The following MSRA variants were observed in gnomAD, a reference collection of about 807,000 sequenced individuals.
The protein encoded by MSRA is mitochondrial peptide methionine sulfoxide reductase.
MSRA carries 54 observed loss-of-function variants against 31.3 expected under a neutral mutation model. The observed-to-expected ratio is 1.73, with a 90% CI of 1.39 to 2.17. The LOEUF (loss-of-function observed/expected upper bound fraction) is 2.17. MSRA is among the 30% of genes most tolerant of loss of function. The pLI, the probability that MSRA is intolerant of heterozygous loss-of-function variation, is 0.00. For missense variants in MSRA, 507 were observed against 300.9 expected (o/e 1.69, Z -5.07); for synonymous variants, 169 against 116.5 (o/e 1.45, Z -2.90).
intron 5 of MSRA, among the ~76,000 whole-genome samples, chr8:10,374,112 T>C (rs1805626478): frequency 6.6e-6 from 1 of 152,202 alleles, no homozygotes; most frequent in African/African-American, 2.4e-5. Context: ...TCAAGCCGCC[T>C]TATGTTCAGT....
chr8:10,310,585 C>T (rs1467257480), intron 4 of MSRA, among the ~76,000 whole-genome samples: 1 of 152,200 alleles, frequency 6.6e-6, no homozygotes, highest in Non-Finnish European at 1.5e-5. Context: ...GAGCTGTGCG[C>T]AATGCTAAGT....
Position 10,196,453 on chromosome 8 carries a change from G to T in MSRA, c.143-11380G>T, listed in dbSNP as rs1012725799. On this transcript the variant is annotated intron_variant, in intron 1 of 5. Transcript: ENST00000317173. ...TGTGGCAAAACCAGCATGGACAGAT[G>T]CTGGGGAGGAAGGAAATAACTTTGC... is the stretch of plus-strand genomic sequence containing the variant. 6.6e-5 allele frequency among the ~76,000 whole-genome samples: 10 copies of T among 152,100 alleles called. 1 individual carries two copies. The highest frequency in any genetic ancestry group is 2.4e-4 in the African/African-American group (10 of 41,478).
chr8:10,258,952 C>T (rs2129091747), intron 3 of MSRA, among the ~76,000 whole-genome samples: 1 of 152,154 alleles, frequency 6.6e-6, no homozygotes, highest in African/African-American at 2.4e-5. Context: ...ACTAAAAATA[C>T]AAAAACTAGC....
At chr8:10,320,103 T>A in intron 5 of MSRA, 114 bp downstream of exon 5, 1 of 641,192 alleles carries the variant, frequency 1.6e-6, no homozygotes, top group East Asian at 3.0e-5. Flanking sequence ...TATTTGCACA[T>A]CTCTTAGAAA....
chr8:10,083,638 T>C (rs950616418), intron 1 of MSRA, among the ~76,000 whole-genome samples: 3 of 152,216 alleles, frequency 2.0e-5, no homozygotes, highest in Non-Finnish European at 2.9e-5. Context: ...TGTTTTTAAG[T>C]TTTTTAGTCT....
At chr8:10,312,750 G>A (rs1409821313) in intron 4 of MSRA, among the ~76,000 whole-genome samples, 1 of 152,142 alleles carries the variant, frequency 6.6e-6, no homozygotes, top group Non-Finnish European at 1.5e-5. Flanking sequence ...TAGCACTTTA[G>A]TATTAGCCCA....
At chr8:10,395,317 G>A (rs1807028806) in intron 5 of MSRA, among the ~76,000 whole-genome samples, 1 of 152,186 alleles carries the variant, frequency 6.6e-6, no homozygotes, top group South Asian at 2.1e-4. Context: ...GCCTTATAGG[G>A]AGAAGGGATG....
intron 1 of MSRA, among the ~76,000 whole-genome samples, chr8:10,131,440 G>A (rs537771443): frequency 3.3e-5 from 5 of 152,244 alleles, no homozygotes; most frequent in Non-Finnish European, 7.3e-5. Context: ...AAGACTTATT[G>A]TAGGGGAGGG....
At chr8:10,172,987 G>GT (rs1339899523) in intron 1 of MSRA, among the ~76,000 whole-genome samples, 1 of 152,212 alleles carries the variant, frequency 6.6e-6, no homozygotes, top group Non-Finnish European at 1.5e-5. Context: ...AAGTGAGGAG[G>GT]TGAAGCAGGG....
At chr8:10,181,784 G>A (rs181225879) in intron 1 of MSRA, among the ~76,000 whole-genome samples, 1 of 152,132 alleles carries the variant, frequency 6.6e-6, no homozygotes, top group African/African-American at 2.4e-5. Flanking sequence ...GGACTTCCTG[G>A]GGTCACATAG....
intron 3 of MSRA, among the ~76,000 whole-genome samples, chr8:10,300,847 C>T (rs1800805812): frequency 6.6e-6 from 1 of 152,048 alleles, no homozygotes; most frequent in African/African-American, 2.4e-5. Flanking sequence ...TGCAAATACC[C>T]ACCCCTGATC....
chr8:10,340,340 TGGCA>T (rs1803346309), intron 5 of MSRA, among the ~76,000 whole-genome samples: 1 of 152,202 alleles, frequency 6.6e-6, no homozygotes, highest in African/African-American at 2.4e-5. Flanking sequence ...CCACGTATGG[TGGCA>T]AGTCTATGAG....
intron 5 of MSRA, among the ~76,000 whole-genome samples, chr8:10,332,707 C>A (rs1802777304): frequency 1.3e-5 from 2 of 152,164 alleles, no homozygotes; most frequent in Non-Finnish European, 2.9e-5. Context: ...TTACTGTGTG[C>A]TAGACTCCCT....
At chr8:10,397,671 A>G (rs13254263) in intron 5 of MSRA, among the ~76,000 whole-genome samples, 58,689 of 152,110 alleles carry the variant, frequency 0.39, 12,627 homozygotes, top group Non-Finnish European at 0.5. Flanking sequence ...TGCAAGTGAA[A>G]ATCATTTCGT....
At chr8:10,341,929 A>T (rs747521822) in intron 5 of MSRA, among the ~76,000 whole-genome samples, 3 of 152,148 alleles carry the variant, frequency 2.0e-5, no homozygotes, top group Non-Finnish European at 4.4e-5. Flanking sequence ...CCCATTTTCC[A>T]TCAGTGCATT....
At chr8:10,248,457 G>A (rs553390744) in intron 3 of MSRA, among the ~76,000 whole-genome samples, 1 of 152,116 alleles carries the variant, frequency 6.6e-6, no homozygotes, top group Non-Finnish European at 1.5e-5. Context: ...GCTTCCACAA[G>A]CATTATCTCA....
chr8:10,139,494 C>T (rs1802524604), intron 1 of MSRA, among the ~76,000 whole-genome samples: 1 of 152,130 alleles, frequency 6.6e-6, no homozygotes, highest in African/African-American at 2.4e-5. Context: ...GCATTGTATC[C>T]ATTAAGCAAT....
intron 3 of MSRA, among the ~76,000 whole-genome samples, chr8:10,287,834 T>G (rs952929129): frequency 6.6e-6 from 1 of 152,144 alleles, no homozygotes; most frequent in African/African-American, 2.4e-5. Context: ...CTCTGTAAAG[T>G]CGTCCCTGCG....
intron 5 of MSRA, among the ~76,000 whole-genome samples, chr8:10,393,059 C>A (rs1318824074): frequency 5.4e-5 from 3 of 55,684 alleles, no homozygotes; most frequent in Non-Finnish European, 3.8e-5. Context: ...GAGACTCCGT[C>A]TCAAAAAAAA....
Sources: allele counts gnomAD v4.1 joint callset (sites outside exome capture counted in the v4.1 genomes callset), GRCh38; gene constraint gnomAD v4.1.1; transcripts MANE v1.5; gene names NCBI Gene and HGNC (gene_info 2026-07-23, HGNC 2026-07-21).